KIAA0513: variants seen among roughly 807,000 people sequenced by gnomAD.
KIAA0513 encodes the protein KIAA0513, also known as uncharacterized protein KIAA0513.
A neutral mutation model predicts 56.5 loss-of-function variants in KIAA0513; 39 were observed. The observed-to-expected ratio is 0.69, with a 90% CI of 0.53 to 0.90. The LOEUF (loss-of-function observed/expected upper bound fraction) is 0.90. Ranked by LOEUF, KIAA0513 falls within the 40% of genes least tolerant of loss-of-function variation. The pLI, the probability that KIAA0513 is intolerant of heterozygous loss-of-function variation, is 0.00. For synonymous variants in KIAA0513, 268 were observed against 215.6 expected (o/e 1.24, Z -2.13); for missense variants, 591 against 535.2 (o/e 1.10, Z -1.03).
At chr16:85,065,665 C>G (rs2073470197) in intron 1 of KIAA0513, among the ~76,000 whole-genome samples, 1 of 152,198 alleles carries the variant, frequency 6.6e-6, no homozygotes, top group African/African-American at 2.4e-5. Context: ...TCAGCAGTTT[C>G]ACAGCCACCT....
At chr16:85,086,606 C>T (rs755426997) in intron 10 of KIAA0513, 38 bp from the exon 11 acceptor site, 9 of 1,592,586 alleles carry the variant, frequency 5.7e-6, no homozygotes, top group Non-Finnish European at 7.7e-6. Flanking sequence ...AGGACAGCAC[C>T]ATCTGAGCCC....
intron 11 of KIAA0513, 79 bp downstream of exon 11, chr16:85,086,803 C>G (rs952374637): frequency 3.2e-5 from 42 of 1,303,554 alleles, no homozygotes; most frequent in Admixed American, 3.2e-4. Flanking sequence ...GTATCACACC[C>G]TGGGGTGTGA....
rs2073702785 is a variant in KIAA0513 at position 85,079,002 on chromosome 16, T to C, written c.901T>C (p.Trp301Arg). The C allele has an allele frequency of 6.2e-7, 1 of 1,614,176 alleles. No individual in the cohort carries two copies. Among genetic ancestry groups the C allele is most frequent in the Non-Finnish European group, 8.5e-7 (1 of 1,180,020 alleles). The change falls in exon 8 of 13, where the codon TGG (tryptophan) becomes CGG (arginine). Residue 301 changes from tryptophan (W) to arginine (R), a missense_variant and splice_region_variant. Coordinates refer to ENST00000683363, the MANE Select transcript of KIAA0513 (RefSeq NM_001388359.1). The stretch of plus-strand genomic sequence containing the variant: ...CACGCACCTGAAGCAACAGCCCATC[T>C]GGTAAGGCCGAGCCCGCGGCTTCCC... ...LYTHLKQQPI[W>R]HTLRFWNAAF... is the part of the protein sequence containing the mutation.
chr16:85,053,276 C>A (rs7202094), intron 1 of KIAA0513, among the ~76,000 whole-genome samples: 1 of 152,098 alleles, frequency 6.6e-6, no homozygotes, highest in African/African-American at 2.4e-5. Context: ...GCCTGATACA[C>A]GGAAGGTACT....
chr16:85,045,571 G>A (rs1157924257), intron 1 of KIAA0513, among the ~76,000 whole-genome samples: 2 of 152,160 alleles, frequency 1.3e-5, no homozygotes, highest in African/African-American at 2.4e-5. Context: ...GGCCAGACTG[G>A]TCTCGAACTC....
chr16:85,028,302 A>G (rs1186639779), intron 1 of KIAA0513, among the ~76,000 whole-genome samples: 4 of 152,134 alleles, frequency 2.6e-5, no homozygotes, highest in Admixed American at 6.5e-5. Context: ...AGAGGGTGCA[A>G]GGACCCCGGG....
chr16:85,059,611 G>C (rs2073375963), intron 1 of KIAA0513, among the ~76,000 whole-genome samples: 1 of 152,242 alleles, frequency 6.6e-6, no homozygotes, highest in Non-Finnish European at 1.5e-5. Context: ...TCTCAACTGG[G>C]AGTGAAAGCA....
intron 1 of KIAA0513, among the ~76,000 whole-genome samples, chr16:85,028,222 T>C (rs1274622574): frequency 6.6e-6 from 1 of 151,910 alleles, no homozygotes; most frequent in Non-Finnish European, 1.5e-5. Flanking sequence ...GCAGGTGGCT[T>C]TGGGATGGAG....
intron 1 of KIAA0513, among the ~76,000 whole-genome samples, chr16:85,032,669 C>A (rs1016797666): frequency 3.9e-5 from 6 of 151,992 alleles, no homozygotes; most frequent in Admixed American, 1.3e-4. Flanking sequence ...TTCAGTCTGT[C>A]GTCCAGGCTG....
chr16:85,062,426 G>T (rs541423654), intron 1 of KIAA0513, among the ~76,000 whole-genome samples: 1 of 152,316 alleles, frequency 6.6e-6, no homozygotes, highest in Non-Finnish European at 1.5e-5. Context: ...GGCCTACGAT[G>T]CGAATTGCAA....
chr16:85,073,314 G>C (rs965539060), intron 4 of KIAA0513, among the ~76,000 whole-genome samples: 17 of 152,176 alleles, frequency 1.1e-4, no homozygotes, highest in South Asian at 2.1e-4. Context: ...GGGAGATCTG[G>C]TACTTTCCCG....
At chr16:85,056,947 C>T (rs1288647749) in intron 1 of KIAA0513, among the ~76,000 whole-genome samples, 1 of 152,194 alleles carries the variant, frequency 6.6e-6, no homozygotes, top group Admixed American at 6.5e-5. Context: ...TCAAGCGAGC[C>T]TCCTGCCTCA....
intron 1 of KIAA0513, among the ~76,000 whole-genome samples, chr16:85,062,189 C>T (rs1056031448): frequency 2.0e-5 from 3 of 149,274 alleles, no homozygotes; most frequent in Admixed American, 1.3e-4. Flanking sequence ...CTTCCCCTCT[C>T]CCTGCCCCTG....
chr16:85,042,798 C>T (rs755016934), intron 1 of KIAA0513, among the ~76,000 whole-genome samples: 2 of 152,210 alleles, frequency 1.3e-5, no homozygotes, highest in East Asian at 3.8e-4. Context: ...AGGCAGCAGT[C>T]GGCTTGGCCT....
intron 1 of KIAA0513, among the ~76,000 whole-genome samples, chr16:85,042,684 A>G (rs1482371176): frequency 6.6e-6 from 1 of 152,348 alleles, no homozygotes; most frequent in African/African-American, 2.4e-5. Flanking sequence ...TTATTATATC[A>G]TTATCAAAAA....
intron 1 of KIAA0513, among the ~76,000 whole-genome samples, chr16:85,059,429 C>T (rs1313354014): frequency 6.6e-6 from 1 of 152,226 alleles, no homozygotes; most frequent in Non-Finnish European, 1.5e-5. Context: ...GGGGTTCCCC[C>T]TGAGCCAGGC....
chr16:85,037,101 T>C (rs2073045856), intron 1 of KIAA0513, among the ~76,000 whole-genome samples: 1 of 152,112 alleles, frequency 6.6e-6, no homozygotes, highest in Admixed American at 6.5e-5. Context: ...TTTTTTTCTC[T>C]TCATGACTAA....
Position 85,075,889 on chromosome 16 carries a change from C to T in KIAA0513, c.549C>T (p.Thr183=), listed in dbSNP as rs765417739. 6 of 1,614,044 alleles carry T rather than the reference C, an allele frequency of 3.7e-6. No homozygotes were observed. Among genetic ancestry groups the T allele is most frequent in the Non-Finnish European group, 5.1e-6 (6 of 1,179,906 alleles). ...DDFGPAKNLM[T]MCFTYYHIGK... ...TTGGGCCTGCCAAGAACCTCATGAC[C>T]ATGTGCTTCACCTACTACCACATCG... is the stretch of plus-strand genomic sequence containing the variant. Residue 183 remains threonine, a synonymous_variant, in exon 5 of 13, where the codon ACC becomes ACT. Coordinates refer to ENST00000683363, the MANE Select transcript of KIAA0513 (RefSeq NM_001388359.1).
At chr16:85,071,426 A>G (rs2144035676) in intron 2 of KIAA0513, among the ~76,000 whole-genome samples, 1 of 152,330 alleles carries the variant, frequency 6.6e-6, no homozygotes, top group African/African-American at 2.4e-5. Context: ...AGAGAGCTGG[A>G]GAACCAAGAC....
Sources: allele counts gnomAD v4.1 joint callset (sites outside exome capture counted in the v4.1 genomes callset), GRCh38; gene constraint gnomAD v4.1.1; transcripts MANE v1.5; gene names NCBI Gene and HGNC (gene_info 2026-07-23, HGNC 2026-07-21).